The following INSYN2B variants were observed in gnomAD, a reference collection of about 807,000 sequenced individuals.
INSYN2B encodes protein INSYN2B.
In INSYN2B, 16 loss-of-function variants were observed where a neutral mutation model predicts 41.2. The ratio of observed to expected loss-of-function variants is 0.39; its 90% confidence interval spans 0.26 to 0.59. INSYN2B has a LOEUF of 0.59. Among genes scored for constraint, INSYN2B ranks in the 20% least tolerant of loss-of-function variants. The probability of loss-of-function intolerance (pLI) is 0.57; values close to 1 mark genes in which losing one functional copy is unlikely to be tolerated. For missense variants in INSYN2B, 608 were observed against 646.4 expected, an observed-to-expected ratio of 0.94 and a Z score of 0.64; for synonymous variants, 245 against 244.4, an observed-to-expected ratio of 1.00 and a Z score of -0.02.
Position 169,883,168 on chromosome 5 carries a change from C to G in INSYN2B, c.731G>C (p.Gly244Ala). 1 of 1,551,566 alleles carries G rather than the reference C, an allele frequency of 6.4e-7. No homozygotes were observed. Among genetic ancestry groups the G allele is most frequent in the Non-Finnish European group, 8.7e-7 (1 of 1,146,924 alleles). ...HPLDDTRPGD[G>A]RRVTPLDSEK... ...TGAATCTAGTGGAGTCACCCTTCTCCCATCACCTGGACGTGTGTCATCCAA... is the reference window on the plus strand; with the variant it reads ...TGAATCTAGTGGAGTCACCCTTCTCGCATCACCTGGACGTGTGTCATCCAA... The change falls in exon 2 of 4, where the codon GGG becomes GCG. Residue 244 changes from glycine to alanine, a missense_variant. Physicochemically the swap from Gly to Ala is moderately conservative, Grantham distance 60. Transcript: ENST00000377365.
At chr5:169,916,773 T>C (rs1384509184) in intron 1 of INSYN2B, among the ~76,000 whole-genome samples, 1 of 152,194 alleles carries the variant, frequency 6.6e-6, no homozygotes, top group Non-Finnish European at 1.5e-5. Flanking sequence ...AGTCATTTGA[T>C]TTTCAGAATA....
intron 1 of INSYN2B, among the ~76,000 whole-genome samples, chr5:169,925,125 T>G (rs977516288): frequency 6.6e-6 from 1 of 152,214 alleles, no homozygotes; most frequent in African/African-American, 2.4e-5. Flanking sequence ...ATCTGTTCTT[T>G]TTATGGAAGG....
At chr5:169,969,071 G>A (rs1349218872) in intron 1 of INSYN2B, among the ~76,000 whole-genome samples, 1 of 152,048 alleles carries the variant, frequency 6.6e-6, no homozygotes, top group African/African-American at 2.4e-5. Flanking sequence ...GATTGCTTGA[G>A]CCCAGCAAGT....
chr5:169,939,793 A>G (rs1776159325), intron 1 of INSYN2B, among the ~76,000 whole-genome samples: 1 of 152,094 alleles, frequency 6.6e-6, no homozygotes, highest in African/African-American at 2.4e-5. Flanking sequence ...CCTAAAAAAT[A>G]TAAGAAAGGT....
chr5:169,932,143 G>A (rs1250307061), intron 1 of INSYN2B, among the ~76,000 whole-genome samples: 1 of 152,196 alleles, frequency 6.6e-6, no homozygotes, highest in Non-Finnish European at 1.5e-5. Context: ...AAGAGCATAT[G>A]ATGGAGGTGA....
chr5:169,881,219 C>T (rs1315699997), intron 3 of INSYN2B, 149 bp downstream of exon 3: 1 of 658,464 alleles, frequency 1.5e-6, no homozygotes, highest in East Asian at 2.8e-5. Context: ...ACAAAGCAAT[C>T]CCTGCCTTGG....
At chr5:169,931,174 A>G (rs1170374359) in intron 1 of INSYN2B, among the ~76,000 whole-genome samples, 1 of 152,210 alleles carries the variant, frequency 6.6e-6, no homozygotes, top group Non-Finnish European at 1.5e-5. Context: ...TTGAGTCATG[A>G]AAGTTACCTT....
At position 169,953,904 on chromosome 5, in the gene INSYN2B, G is replaced by A. The variant is rs1395876052; in HGVS notation, c.-919+26373C>T. ...GTTTCCTCATCAGTAGAATAGGAAT[G>A]GTAATTGTAACTACCTCAAGAATTG... is the stretch of plus-strand genomic sequence containing the variant. On this transcript the variant is annotated intron_variant, in intron 1 of 3. Transcript: ENST00000377365. Among the ~76,000 whole-genome samples, 3 of 152,328 alleles carry A rather than the reference G, an allele frequency of 2.0e-5. No individual in the cohort carries two copies. The East Asian group carries it at 5.8e-4, about 29-fold the overall frequency.
chr5:169,906,150 C>T (rs989695951), intron 1 of INSYN2B, among the ~76,000 whole-genome samples: 2 of 152,140 alleles, frequency 1.3e-5, no homozygotes, highest in Non-Finnish European at 2.9e-5. Context: ...GCAGTAAATC[C>T]TCAATGAGCG....
chr5:169,921,325 C>G, intron 1 of INSYN2B, among the ~76,000 whole-genome samples: 1 of 152,252 alleles, frequency 6.6e-6, no homozygotes, highest in African/African-American at 2.4e-5. Context: ...AATAGGAAAT[C>G]TGTATAATCT....
chr5:169,918,293 G>A (rs1333942473), intron 1 of INSYN2B, among the ~76,000 whole-genome samples: 5 of 152,198 alleles, frequency 3.3e-5, no homozygotes, highest in African/African-American at 1.2e-4. Context: ...AAAATGTTGT[G>A]GTTTGAGTAA....
intron 1 of INSYN2B, among the ~76,000 whole-genome samples, chr5:169,949,125 G>A (rs1307600830): frequency 6.6e-6 from 1 of 152,130 alleles, no homozygotes; most frequent in Non-Finnish European, 1.5e-5. Flanking sequence ...AATTTCCTTG[G>A]CATCTTTTTG....
intron 3 of INSYN2B, among the ~76,000 whole-genome samples, chr5:169,877,406 C>A (rs1481088352): frequency 1.3e-5 from 2 of 152,098 alleles, no homozygotes; most frequent in Non-Finnish European, 2.9e-5. Flanking sequence ...TCTGAACCTG[C>A]GGCAGAGGAA....
At chr5:169,937,753 G>A (rs917433415) in intron 1 of INSYN2B, among the ~76,000 whole-genome samples, 6 of 152,324 alleles carry the variant, frequency 3.9e-5, no homozygotes, top group African/African-American at 1.4e-4. Context: ...TGGCTGGCAA[G>A]CTGCTCAAGG....
intron 1 of INSYN2B, among the ~76,000 whole-genome samples, chr5:169,979,857 G>T (rs1389751962): frequency 6.6e-6 from 1 of 152,044 alleles, no homozygotes; most frequent in Non-Finnish European, 1.5e-5. Context: ...AAAGATAATG[G>T]TTTTTTTCAT....
chr5:169,875,675 A>G (rs1435753423), intron 3 of INSYN2B: 4 of 175,824 alleles, frequency 2.3e-5, no homozygotes, highest in African/African-American at 9.5e-5. Context: ...ACATGGGGGT[A>G]CTTTAATCAA....
At chr5:169,886,215 A>G (rs4867897) in intron 1 of INSYN2B, among the ~76,000 whole-genome samples, 58,047 of 152,044 alleles carry the variant, frequency 0.38, 11,942 homozygotes, top group Non-Finnish European at 0.46. Flanking sequence ...CAGAATGAGC[A>G]GAGTTTCATG....
At position 169,864,236 on chromosome 5, in the gene INSYN2B, C is replaced by G; in HGVS notation, c.*37G>C. On this transcript the variant is annotated 3_prime_UTR_variant, in exon 4 of 4. Coordinates refer to ENST00000377365, the MANE Select transcript of INSYN2B (RefSeq NM_001129891.3). Reference sequence around the variant, plus strand: ...GTGGATTTCCCATCTCAGGGAAGTGCGTGGAGTTGGGGGGCTGGGGGATGG... The same window carrying G: ...GTGGATTTCCCATCTCAGGGAAGTGGGTGGAGTTGGGGGGCTGGGGGATGG... 5 of 1,519,214 alleles carry G rather than the reference C, an allele frequency of 3.3e-6. No individual in the cohort carries two copies. The highest frequency in any genetic ancestry group is 4.5e-6 in the Non-Finnish European group (5 of 1,117,730). The allele number at this position is 1,519,214 out of a possible 1,614,324, so 94.1% of individuals were successfully genotyped here. A position where few individuals can be genotyped will look rare whatever the true frequency, so the allele number is the denominator to read the frequency against.
chr5:169,886,112 A>G (rs76670099), intron 1 of INSYN2B, among the ~76,000 whole-genome samples: 10,363 of 152,210 alleles, frequency 0.068, 393 homozygotes, highest in Non-Finnish European at 0.086. Flanking sequence ...ATCTCTCTTT[A>G]TAAAGAAAAA....
Sources: allele counts gnomAD v4.1 joint callset (sites outside exome capture counted in the v4.1 genomes callset), GRCh38; gene constraint gnomAD v4.1.1; transcripts MANE v1.5; gene names NCBI Gene and HGNC (gene_info 2026-07-23, HGNC 2026-07-21).